The following RUNX1 variants were observed in gnomAD, a reference collection of about 807,000 sequenced individuals.
The protein encoded by RUNX1 is runt-related transcription factor 1.
RUNX1 carries 19 observed loss-of-function variants against 42.8 expected under a neutral mutation model. That is an observed-to-expected ratio of 0.44 (90% CI 0.31 to 0.65). The LOEUF (loss-of-function observed/expected upper bound fraction) is 0.65. Ranked by LOEUF, RUNX1 falls within the 30% of genes least tolerant of loss-of-function variation. RUNX1 has a pLI of 0.07. For missense variants in RUNX1, 528 were observed against 672.0 expected (o/e 0.79, Z 2.37); for synonymous variants, 271 against 289.4 (o/e 0.94, Z 0.64).
At chr21:34,844,721 T>C (rs973247105) in intron 6 of RUNX1, among the ~76,000 whole-genome samples, 1 of 152,224 alleles carries the variant, frequency 6.6e-6, no homozygotes, top group Non-Finnish European at 1.5e-5. Flanking sequence ...AATTCCCTCC[T>C]ATTTCTAAAA....
intron 2 of RUNX1, among the ~76,000 whole-genome samples, chr21:34,992,362 C>T (rs959639886): frequency 6.6e-6 from 1 of 152,200 alleles, no homozygotes; most frequent in Non-Finnish European, 1.5e-5. Context: ...AGCCAGGAGC[C>T]TGGGGCACAT....
chr21:35,046,573 G>T (rs114778415), intron 2 of RUNX1, among the ~76,000 whole-genome samples: 1 of 152,188 alleles, frequency 6.6e-6, no homozygotes, highest in Non-Finnish European at 1.5e-5. Context: ...TGTTGGCAGG[G>T]ATGGTGATTC....
At chr21:34,829,380 T>C (rs545437839) in intron 7 of RUNX1, among the ~76,000 whole-genome samples, 1 of 152,348 alleles carries the variant, frequency 6.6e-6, no homozygotes, top group African/African-American at 2.4e-5. Context: ...AAATATTTCA[T>C]CACTAAGATC....
intron 2 of RUNX1, among the ~76,000 whole-genome samples, chr21:34,898,465 G>A (rs984792152): frequency 1.3e-5 from 2 of 152,124 alleles, no homozygotes; most frequent in Admixed American, 1.3e-4. Flanking sequence ...TCAGTAGCAG[G>A]AAGCCACATA....
chr21:34,887,555 G>A (rs1025907074), intron 3 of RUNX1: 1 of 1,128,140 alleles, frequency 8.9e-7, no homozygotes, highest in Admixed American at 4.4e-5. Flanking sequence ...TCAGTTTTTT[G>A]CAGGTGAGTT....
At chr21:34,926,950 G>T (rs997484888) in intron 2 of RUNX1, among the ~76,000 whole-genome samples, 1 of 152,126 alleles carries the variant, frequency 6.6e-6, no homozygotes, top group African/African-American at 2.4e-5. Context: ...GTTCTGGAGT[G>T]GTTTCTCTCA....
At chr21:34,911,721 C>G (rs1195848761) in intron 2 of RUNX1, among the ~76,000 whole-genome samples, 8 of 152,198 alleles carry the variant, frequency 5.3e-5, no homozygotes, top group African/African-American at 1.9e-4. Context: ...GGAAACCAGC[C>G]CAGCCCATCA....
At chr21:34,844,806 A>G (rs565517082) in intron 6 of RUNX1, among the ~76,000 whole-genome samples, 3 of 152,300 alleles carry the variant, frequency 2.0e-5, no homozygotes, top group African/African-American at 7.2e-5. Flanking sequence ...CTCTCCTGTC[A>G]CAGACGCCAA....
intron 2 of RUNX1, among the ~76,000 whole-genome samples, chr21:34,965,150 CACA>C (rs1357073168): frequency 6.6e-6 from 1 of 151,558 alleles, no homozygotes; most frequent in Non-Finnish European, 1.5e-5. Flanking sequence ...CACAGTCCCC[CACA>C]ACATGCACAC....
chr21:34,883,499 G>T (rs941691116), intron 4 of RUNX1, among the ~76,000 whole-genome samples: 1 of 152,114 alleles, frequency 6.6e-6, no homozygotes, highest in Non-Finnish European at 1.5e-5. Context: ...TCACTGATGG[G>T]CAATATGGAG....
At chr21:34,967,347 AAAAAAG>A (rs1569129655) in intron 2 of RUNX1, among the ~76,000 whole-genome samples, 3 of 146,580 alleles carry the variant, frequency 2.0e-5, no homozygotes, top group African/African-American at 7.5e-5. Context: ...AAAAAAAAAA[AAAAAAG>A]AAGAATAGCG....
intron 2 of RUNX1, among the ~76,000 whole-genome samples, chr21:34,959,536 A>C (rs1300219594): frequency 6.6e-6 from 1 of 152,212 alleles, no homozygotes; most frequent in East Asian, 1.9e-4. Context: ...AGTTAGAGAG[A>C]GACACAGAGT....
chr21:34,941,579 T>A (rs1312614433), intron 2 of RUNX1, among the ~76,000 whole-genome samples: 2 of 152,234 alleles, frequency 1.3e-5, no homozygotes, highest in African/African-American at 4.8e-5. Flanking sequence ...CTTTCAAAAT[T>A]CTTGTCTTCT....
chr21:34,949,709 C>T lies in RUNX1; in HGVS notation c.59-56746G>A, dbSNP rs7280600. On this transcript the variant is annotated intron_variant, in intron 2 of 8. Transcript: ENST00000675419. The stretch of plus-strand genomic sequence containing the variant: ...CTGATAGAGGCTGTGCTAAGATTGC[C>T]GTCCTGTCACAGCGTGGAGTGGGAG... Among the ~76,000 whole-genome samples, 1,203 of 152,338 alleles carry T rather than the reference C, an allele frequency of 7.9e-3. 15 individuals are homozygous for T. The highest frequency in any genetic ancestry group is 0.023 in the African/African-American group (945 of 41,580).
intron 2 of RUNX1, among the ~76,000 whole-genome samples, chr21:35,015,551 G>A (rs1234889227): frequency 6.6e-6 from 1 of 152,208 alleles, no homozygotes; most frequent in African/African-American, 2.4e-5. Flanking sequence ...GGAAGAGGTG[G>A]TGGCTGAGGT....
intron 2 of RUNX1, among the ~76,000 whole-genome samples, chr21:34,973,259 T>C (rs2058775667): frequency 6.6e-6 from 1 of 152,212 alleles, no homozygotes; most frequent in Non-Finnish European, 1.5e-5. Flanking sequence ...TGATGTTATA[T>C]TGTAGTGGTT....
At chr21:34,874,393 C>T (rs918676114) in intron 5 of RUNX1, among the ~76,000 whole-genome samples, 41 of 141,218 alleles carry the variant, frequency 2.9e-4, no homozygotes, top group Non-Finnish European at 4.9e-4. Context: ...GTGGACCACC[C>T]GAGATCAGGA....
intron 7 of RUNX1, among the ~76,000 whole-genome samples, chr21:34,826,434 C>CTTTTTTTTTTTTTTTTTTT (rs772880673): frequency 3.1e-4 from 33 of 105,358 alleles, no homozygotes; most frequent in East Asian, 5.8e-4. Flanking sequence ...TTCTTTCTTT[C>CTTTTTTTTTTTTTTTTTTT]TTTTTTTTTT....
At chr21:34,912,006 A>G (rs1018000526) in intron 2 of RUNX1, among the ~76,000 whole-genome samples, 4 of 151,622 alleles carry the variant, frequency 2.6e-5, no homozygotes, top group African/African-American at 9.7e-5. Flanking sequence ...CATTTGTCTT[A>G]TTTGATTTCT....
Sources: allele counts gnomAD v4.1 joint callset (sites outside exome capture counted in the v4.1 genomes callset), GRCh38; gene constraint gnomAD v4.1.1; transcripts MANE v1.5; gene names NCBI Gene and HGNC (gene_info 2026-07-23, HGNC 2026-07-21).